The following DPP10 variants were observed in gnomAD, a reference collection of about 807,000 sequenced individuals.
DPP10 encodes the protein inactive dipeptidyl peptidase 10.
Under a neutral mutation model 120.9 loss-of-function variants are expected in DPP10, and 33 were observed. That is an observed-to-expected ratio of 0.27 (90% CI 0.21 to 0.37). DPP10 has a LOEUF of 0.37. Among genes scored for constraint, DPP10 ranks in the 10% least tolerant of loss-of-function variants. The probability of loss-of-function intolerance (pLI) is 1.00; values close to 1 mark genes in which losing one functional copy is unlikely to be tolerated. For synonymous variants in DPP10, 337 were observed against 326.1 expected, an observed-to-expected ratio of 1.03 and a Z score of -0.36; for missense variants, 816 against 942.8, an observed-to-expected ratio of 0.87 and a Z score of 1.76.
intron 1 of DPP10, among the ~76,000 whole-genome samples, chr2:114,830,649 C>T (rs1687020452): frequency 6.6e-6 from 1 of 152,104 alleles, no homozygotes; most frequent in African/African-American, 2.4e-5. Context: ...GATATAACAA[C>T]CTCTTATTTT....
At chr2:115,658,352 C>G (rs2088587238) in intron 5 of DPP10, among the ~76,000 whole-genome samples, 1 of 151,856 alleles carries the variant, frequency 6.6e-6, no homozygotes, top group Non-Finnish European at 1.5e-5. Flanking sequence ...TTTCTCCACC[C>G]CAATCTCCCT....
rs191354828 is a variant in DPP10 at position 114,736,067 on chromosome 2, G to C, written c.60+293229G>C. On this transcript the variant is annotated intron_variant, in intron 1 of 25. Coordinates refer to ENST00000410059, the MANE Select transcript of DPP10 (RefSeq NM_020868.6). ...TAGATCTAGAGAAGTTTCTGTGTAGGGGGAGGATTGAAGTGAAAATGAGCC... is the reference window on the plus strand; with the variant it reads ...TAGATCTAGAGAAGTTTCTGTGTAGCGGGAGGATTGAAGTGAAAATGAGCC... Among the ~76,000 whole-genome samples, 14 of 151,784 alleles carry C rather than the reference G, an allele frequency of 9.2e-5. No homozygotes were observed. In the East Asian group the frequency reaches 2.8e-3, roughly 30 times the overall value.
chr2:115,498,714 TTATA>T (rs144251490), intron 3 of DPP10, among the ~76,000 whole-genome samples: 60,543 of 146,334 alleles, frequency 0.41, 13,271 homozygotes, highest in East Asian at 0.65. Flanking sequence ...TTATGTATAA[TTATA>T]TATATATATA....
intron 1 of DPP10, among the ~76,000 whole-genome samples, chr2:114,564,041 T>C (rs533532625): frequency 6.6e-6 from 1 of 152,294 alleles, no homozygotes; most frequent in South Asian, 2.1e-4. Context: ...ATGTCCTCCT[T>C]CGCCTTCCAG....
intron 5 of DPP10, among the ~76,000 whole-genome samples, chr2:115,663,974 G>A (rs1200681845): frequency 6.6e-6 from 1 of 150,926 alleles, no homozygotes; most frequent in Non-Finnish European, 1.5e-5. Context: ...CAGCCTGTGT[G>A]ACAGAGCGAG....
intron 1 of DPP10, among the ~76,000 whole-genome samples, chr2:114,576,950 G>A (rs954366261): frequency 1.3e-5 from 2 of 152,066 alleles, no homozygotes; most frequent in Non-Finnish European, 2.9e-5. Flanking sequence ...CAAGAGGAAG[G>A]CAAGAAGACA....
At chr2:114,702,313 T>G (rs1026451870) in intron 1 of DPP10, among the ~76,000 whole-genome samples, 2 of 152,028 alleles carry the variant, frequency 1.3e-5, no homozygotes, top group African/African-American at 4.8e-5. Flanking sequence ...TTTTTTTTTT[T>G]TGACAGTTTA....
At chr2:114,571,222 C>T (rs1689618481) in intron 1 of DPP10, among the ~76,000 whole-genome samples, 1 of 152,084 alleles carries the variant, frequency 6.6e-6, no homozygotes, top group Admixed American at 6.5e-5. Flanking sequence ...TGGGTTAGCA[C>T]CATCCTCCTA....
Position 115,211,624 on chromosome 2 carries a change from A to T in DPP10, c.61-97615A>T, listed in dbSNP as rs1253189582. On this transcript the variant is annotated intron_variant, in intron 1 of 25. Transcript: ENST00000410059. Reference sequence around the variant, plus strand: ...AAATATCGGCTCTGGGAGGACACTTACCCAATTTTCTTTCATTTAATTTGG... The same window carrying T: ...AAATATCGGCTCTGGGAGGACACTTTCCCAATTTTCTTTCATTTAATTTGG... 2.0e-5 allele frequency among the ~76,000 whole-genome samples: 3 copies of T among 151,736 alleles called. No homozygotes were observed. The East Asian group carries it at 5.8e-4, about 29-fold the overall frequency.
chr2:115,243,123 C>G (rs1431806320), intron 1 of DPP10, among the ~76,000 whole-genome samples: 1 of 152,160 alleles, frequency 6.6e-6, no homozygotes, highest in Non-Finnish European at 1.5e-5. Context: ...TAAGGTTTAT[C>G]AAATATTTTA....
intron 1 of DPP10, among the ~76,000 whole-genome samples, chr2:115,180,718 A>C (rs2054014519): frequency 6.6e-6 from 1 of 152,204 alleles, no homozygotes; most frequent in South Asian, 2.1e-4. Context: ...AGAAATGTAC[A>C]TATGTATGTA....
chr2:115,796,234 A>G (rs1353781665), intron 19 of DPP10, among the ~76,000 whole-genome samples: 1 of 152,002 alleles, frequency 6.6e-6, no homozygotes, highest in Non-Finnish European at 1.5e-5. Flanking sequence ...TTGCCTGCCC[A>G]CCTGGAGAAG....
chr2:115,111,134 G>A (rs2049195294), intron 1 of DPP10, among the ~76,000 whole-genome samples: 1 of 152,060 alleles, frequency 6.6e-6, no homozygotes, highest in Non-Finnish European at 1.5e-5. Context: ...TACACAAGTA[G>A]TAGCTTTTCC....
chr2:115,043,272 G>A (rs1473521661), intron 1 of DPP10, among the ~76,000 whole-genome samples: 1 of 152,128 alleles, frequency 6.6e-6, no homozygotes, highest in African/African-American at 2.4e-5. Flanking sequence ...TAGAAATGAT[G>A]CATCATCACC....
At chr2:114,596,808 C>T (rs1221596874) in intron 1 of DPP10, among the ~76,000 whole-genome samples, 1 of 152,000 alleles carries the variant, frequency 6.6e-6, no homozygotes, top group Admixed American at 6.6e-5. Flanking sequence ...TGCCAAACTA[C>T]CAATCTGGGC....
intron 3 of DPP10, among the ~76,000 whole-genome samples, chr2:115,401,766 T>A (rs2068089463): frequency 6.6e-6 from 1 of 152,088 alleles, no homozygotes; most frequent in African/African-American, 2.4e-5. Flanking sequence ...ATGATGCATT[T>A]TCTAATATAT....
chr2:115,073,930 A>G (rs1237483088), intron 1 of DPP10, among the ~76,000 whole-genome samples: 2 of 152,238 alleles, frequency 1.3e-5, no homozygotes, highest in African/African-American at 4.8e-5. Context: ...GATTAAAATC[A>G]CATGAGCCTG....
At chr2:115,195,760 G>A (rs148127452) in intron 1 of DPP10, among the ~76,000 whole-genome samples, 2 of 151,984 alleles carry the variant, frequency 1.3e-5, no homozygotes, top group African/African-American at 4.8e-5. Context: ...TGCTTTATGC[G>A]CTTCCTTCCC....
intron 1 of DPP10, among the ~76,000 whole-genome samples, chr2:115,128,064 T>G (rs1207614308): frequency 2.0e-5 from 3 of 152,154 alleles, no homozygotes; most frequent in Non-Finnish European, 4.4e-5. Flanking sequence ...CATATTCCCT[T>G]TTTGTTCCCC....
Sources: allele counts gnomAD v4.1 joint callset (sites outside exome capture counted in the v4.1 genomes callset), GRCh38; gene constraint gnomAD v4.1.1; transcripts MANE v1.5; gene names NCBI Gene and HGNC (gene_info 2026-07-23, HGNC 2026-07-21).